Variants in MAP3K20 observed in about 807,000 individuals in gnomAD.
MAP3K20 encodes the protein HCCS-4.
MAP3K20 carries 40 observed loss-of-function variants against 85.7 expected under a neutral mutation model. The observed-to-expected ratio is 0.47, with a 90% CI of 0.36 to 0.61. The LOEUF (loss-of-function observed/expected upper bound fraction) is 0.61, where lower values mean the gene tolerates loss of function less well. Among genes scored for constraint, MAP3K20 ranks in the 20% least tolerant of loss-of-function variants. The pLI, the probability that MAP3K20 is intolerant of heterozygous loss-of-function variation, is 0.00. For synonymous variants in MAP3K20, 325 were observed against 327.7 expected, an observed-to-expected ratio of 0.99 and a Z score of 0.09; for missense variants, 817 against 961.7, an observed-to-expected ratio of 0.85 and a Z score of 1.99.
intron 2 of MAP3K20, among the ~76,000 whole-genome samples, chr2:173,149,655 T>C (rs1415049286): frequency 6.6e-6 from 1 of 152,146 alleles, no homozygotes; most frequent in Admixed American, 6.5e-5. Context: ...CTGGAGTCCT[T>C]GCATTCTTAC....
chr2:173,202,898 G>C lies in MAP3K20; in HGVS notation c.670-898G>C, dbSNP rs374565113. ...GTAGATGCATTCTGCAGAGTTCAGT[G>C]TATCTTAAAACTGTTCAAAAGAATA... On this transcript the variant is annotated intron_variant, in intron 8 of 19. Transcript: ENST00000375213. Among the ~76,000 whole-genome samples, 74 of 152,296 alleles carry C rather than the reference G, an allele frequency of 4.9e-4. 1 individual carries two copies. The South Asian group carries it at 7.9e-3, about 16-fold the overall frequency.
chr2:173,111,697 A>G (rs1382733296), intron 2 of MAP3K20, among the ~76,000 whole-genome samples: 3 of 151,850 alleles, frequency 2.0e-5, no homozygotes, highest in South Asian at 2.1e-4. Flanking sequence ...TCCCCACTTT[A>G]TGTTTTTGTT....
intron 2 of MAP3K20, among the ~76,000 whole-genome samples, chr2:173,142,804 T>C (rs1689016015): frequency 6.6e-6 from 1 of 152,156 alleles, no homozygotes; most frequent in Admixed American, 6.5e-5. Flanking sequence ...ATATACATAA[T>C]TACATTAAGT....
At chr2:173,111,250 A>G (rs1195568667) in intron 2 of MAP3K20, among the ~76,000 whole-genome samples, 14 of 152,118 alleles carry the variant, frequency 9.2e-5, no homozygotes, top group Non-Finnish European at 1.9e-4. Context: ...TTGTCTATTC[A>G]TGTCCTTAGC....
intron 16 of MAP3K20, among the ~76,000 whole-genome samples, chr2:173,244,708 G>C (rs1409862245): frequency 2.0e-5 from 3 of 152,186 alleles, no homozygotes; most frequent in Non-Finnish European, 2.9e-5. Context: ...AGCTATGCCA[G>C]CCTATGTCTT....
chr2:173,234,929 A>T (rs1342011151), intron 14 of MAP3K20, among the ~76,000 whole-genome samples: 1 of 152,232 alleles, frequency 6.6e-6, no homozygotes, highest in Non-Finnish European at 1.5e-5. Flanking sequence ...TTGAAAAAAC[A>T]GGAGGGTATA....
At chr2:173,110,249 T>A (rs1187321279) in intron 2 of MAP3K20, among the ~76,000 whole-genome samples, 1 of 71,412 alleles carries the variant, frequency 1.4e-5, no homozygotes, top group African/African-American at 5.8e-5. Context: ...ATATTTTTTT[T>A]TTTTTTTTTT....
At chr2:173,254,048 G>C (rs7588472) in intron 16 of MAP3K20, among the ~76,000 whole-genome samples, 10,588 of 146,492 alleles carry the variant, frequency 0.072, 424 homozygotes, top group South Asian at 0.15. Flanking sequence ...TCCAGCCCGG[G>C]TGACAGAGTA....
chr2:173,182,235 G>T (rs1203025915), intron 3 of MAP3K20, among the ~76,000 whole-genome samples: 1 of 152,186 alleles, frequency 6.6e-6, no homozygotes, highest in Non-Finnish European at 1.5e-5. Context: ...ATGATTAACT[G>T]CAAACTGGCA....
Position 173,075,877 on chromosome 2 carries a change from TC to T in MAP3K20, c.-159del. ...GGCGCCGTGCAGAGAGGCGGAATGT[TC>T]AACTCCTAACTGCAGCGGAAACGTG... On this transcript the variant is annotated 5_prime_UTR_variant, in exon 1 of 20. An upstream open reading frame in the 5' UTR loses its in-frame stop. Transcript: ENST00000375213. 1 of 985,118 alleles carries T rather than the reference TC, an allele frequency of 1.0e-6. No individual in the cohort carries two copies. The highest frequency in any genetic ancestry group is 1.2e-6 in the Non-Finnish European group (1 of 829,860). 61.0% of individuals were successfully genotyped at this position (985,118 alleles called of 1,614,324 possible).
At chr2:173,177,669 A>G (rs1222888204) in intron 3 of MAP3K20, among the ~76,000 whole-genome samples, 2 of 152,160 alleles carry the variant, frequency 1.3e-5, no homozygotes, top group South Asian at 2.1e-4. Flanking sequence ...ACCTCAGGTG[A>G]TCCACCTGCC....
At chr2:173,120,909 G>A (rs1017742880) in intron 2 of MAP3K20, among the ~76,000 whole-genome samples, 13 of 151,634 alleles carry the variant, frequency 8.6e-5, no homozygotes, top group African/African-American at 2.9e-4. Flanking sequence ...ATGTTTCACC[G>A]TGTTGGCCAG....
chr2:173,254,072 G>GA (rs10659041), intron 16 of MAP3K20, among the ~76,000 whole-genome samples: 100,611 of 134,478 alleles, frequency 0.75, 39,583 homozygotes, highest in Non-Finnish European at 0.88. Flanking sequence ...ACCTGTGTCA[G>GA]AAAAAAAAAA....
At chr2:173,113,496 T>C (rs1688031143) in intron 2 of MAP3K20, among the ~76,000 whole-genome samples, 1 of 152,190 alleles carries the variant, frequency 6.6e-6, no homozygotes, top group African/African-American at 2.4e-5. Context: ...AATGTCAGTT[T>C]GTGCTCGTTC....
At chr2:173,232,137 C>T (rs965468358) in intron 12 of MAP3K20, 55 bp from the exon 13 acceptor site, 14 of 1,605,744 alleles carry the variant, frequency 8.7e-6, no homozygotes, top group Non-Finnish European at 1.2e-5. Context: ...ACTGTGAAGA[C>T]TGGCCACTGA....
intron 9 of MAP3K20, among the ~76,000 whole-genome samples, chr2:173,207,899 T>TAG (rs1321388107): frequency 6.6e-6 from 1 of 152,214 alleles, no homozygotes; most frequent in African/African-American, 2.4e-5. Flanking sequence ...TTCACTTTGA[T>TAG]AACCTCTATC....
chr2:173,239,536 A>C lies in MAP3K20; in HGVS notation c.1359+40A>C, dbSNP rs967374087. 5.1e-6 allele frequency: 8 copies of C among 1,576,230 alleles called. No individual in the cohort carries two copies. The African/African-American group carries it at 1.1e-4, about 21-fold the overall frequency. Reference sequence around the variant, plus strand: ...AAATCCTTTGGATAAATCTCAATCGAACTACTCTTTTTTCTCTTCTGTAAC... The same window carrying C: ...AAATCCTTTGGATAAATCTCAATCGCACTACTCTTTTTTCTCTTCTGTAAC... On this transcript the variant is annotated intron_variant, in intron 16 of 19. Transcript: ENST00000375213.
At chr2:173,205,498 G>A (rs1233969302) in intron 9 of MAP3K20, among the ~76,000 whole-genome samples, 6 of 152,166 alleles carry the variant, frequency 3.9e-5, no homozygotes, top group Non-Finnish European at 5.9e-5. Context: ...ACATTGTTCT[G>A]CACTGAGCAC....
At chr2:173,163,376 T>C (rs550866942) in intron 2 of MAP3K20, among the ~76,000 whole-genome samples, 1 of 152,352 alleles carries the variant, frequency 6.6e-6, no homozygotes, top group South Asian at 2.1e-4. Context: ...GAATATGTTG[T>C]ATCTGGTTTT....
Sources: allele counts gnomAD v4.1 joint callset (sites outside exome capture counted in the v4.1 genomes callset), GRCh38; gene constraint gnomAD v4.1.1; transcripts MANE v1.5; gene names NCBI Gene and HGNC (gene_info 2026-07-23, HGNC 2026-07-21).